The following HDAC1 variants were observed in gnomAD, a reference collection of about 807,000 sequenced individuals.
HDAC1 encodes protein deacetylase HDAC1.
Under a neutral mutation model 65.5 loss-of-function variants are expected in HDAC1, and 18 were observed. The ratio of observed to expected loss-of-function variants is 0.27; its 90% CI spans 0.19 to 0.41. HDAC1 has a LOEUF of 0.41. Among genes scored for constraint, HDAC1 ranks in the 10% least tolerant of loss-of-function variants. HDAC1 has a pLI of 1.00. For synonymous variants in HDAC1, 211 were observed against 227.9 expected, an observed-to-expected ratio of 0.93 and a Z score of 0.67; for missense variants, 373 against 625.2, an observed-to-expected ratio of 0.60 and a Z score of 4.30.
chr1:32,296,627 C>T (rs1391166670), intron 1 of HDAC1, among the ~76,000 whole-genome samples: 1 of 152,188 alleles, frequency 6.6e-6, no homozygotes, highest in Non-Finnish European at 1.5e-5. Flanking sequence ...CATCTACCCG[C>T]CTCAGCCTCC....
At chr1:32,332,982 G>A (rs772688307) in intron 13 of HDAC1, 35 bp from the exon 14 acceptor site, 15 of 1,611,796 alleles carry the variant, frequency 9.3e-6, no homozygotes, top group Non-Finnish European at 1.3e-5. Context: ...GCTCTGGGCT[G>A]GGTCATCTCA....
rs764741110 is a variant in HDAC1 at position 32,329,197 on chromosome 1, G to A, written c.729+37G>A. On this transcript the variant is annotated intron_variant, in intron 7 of 13. Coordinates refer to ENST00000373548, the MANE Select transcript of HDAC1 (RefSeq NM_004964.3). This position sits in a 1 kb window ranked among gnomAD's most constrained non-coding sequence, Gnocchi z 4.1. ...TATCCACCCCTTGGGCTACAAACAGGGGATTGGTTGGCGGTGGAGGGGAGC... is the reference window on the plus strand; with the variant it reads ...TATCCACCCCTTGGGCTACAAACAGAGGATTGGTTGGCGGTGGAGGGGAGC... 3 of 1,282,484 alleles carry A rather than the reference G, an allele frequency of 2.3e-6. No individual in the cohort carries two copies. The South Asian group carries it at 3.6e-5, about 15-fold the overall frequency. The allele number at this position is 1,282,484 out of a possible 1,614,324, so 79.4% of individuals were successfully genotyped here.
At chr1:32,310,388 G>T (rs1009353825) in intron 2 of HDAC1, among the ~76,000 whole-genome samples, 2 of 151,974 alleles carry the variant, frequency 1.3e-5, no homozygotes, top group African/African-American at 4.8e-5. Context: ...TTTTTAGAGG[G>T]GAGTGACATG....
chr1:32,306,978 G>T (rs529367110), intron 2 of HDAC1, among the ~76,000 whole-genome samples: 2 of 152,246 alleles, frequency 1.3e-5, no homozygotes, highest in East Asian at 3.9e-4. Context: ...GGGCGTGGTG[G>T]CTCATGTCTG....
intron 2 of HDAC1, among the ~76,000 whole-genome samples, chr1:32,312,010 GT>G (rs774031998): frequency 4.9e-4 from 74 of 152,238 alleles, no homozygotes; most frequent in Admixed American, 2.5e-3. Flanking sequence ...CACTGTGGGT[GT>G]TTTGGTTTGC....
chr1:32,322,872 G>A (rs146319428), intron 3 of HDAC1, among the ~76,000 whole-genome samples: 1 of 152,200 alleles, frequency 6.6e-6, no homozygotes, highest in African/African-American at 2.4e-5. Flanking sequence ...TTAACTTCTC[G>A]GTATCTGTTT....
intron 2 of HDAC1, 36 bp downstream of exon 2, chr1:32,302,769 A>T: frequency 1.1e-6 from 1 of 921,682 alleles, no homozygotes; most frequent in Non-Finnish European, 1.8e-6. Flanking sequence ...CCCTAACCTC[A>T]TCTGCTCTGG....
chr1:32,330,486 G>C lies in HDAC1; in HGVS notation c.730-92G>C. ...AGCATGAGGGAGAGTGGAAAGGTAG[G>C]AGTGGGTGGGAAAGTGTTGCACCCA... On this transcript the variant is annotated intron_variant, in intron 7 of 13. Coordinates refer to ENST00000373548, the MANE Select transcript of HDAC1 (RefSeq NM_004964.3). The surrounding 1 kb of genome is among the most constrained non-coding windows in gnomAD (Gnocchi z 4.2). The C allele has an allele frequency of 1.2e-6, 1 of 826,788 alleles. No homozygotes were observed. The highest frequency in any genetic ancestry group is 1.4e-5 in the South Asian group (1 of 71,144). 51.2% of individuals were successfully genotyped at this position (826,788 alleles called of 1,614,324 possible). A position where few individuals can be genotyped will look rare whatever the true frequency, so the allele number is the denominator to read the frequency against.
At chr1:32,313,179 T>C (rs1641013499) in intron 2 of HDAC1, among the ~76,000 whole-genome samples, 1 of 151,822 alleles carries the variant, frequency 6.6e-6, no homozygotes, top group Non-Finnish European at 1.5e-5. Context: ...CAATGCAGCC[T>C]CTGCCTCCGA....
At chr1:32,325,942 G>T (rs1641211524) in intron 4 of HDAC1, among the ~76,000 whole-genome samples, 1 of 151,850 alleles carries the variant, frequency 6.6e-6, no homozygotes, top group African/African-American at 2.4e-5. Flanking sequence ...CAGGAGAATT[G>T]CTTGAACCTG....
rs540166777 is a variant in HDAC1 at position 32,321,198 on chromosome 1, T to G, written c.281-3281T>G. Among the ~76,000 whole-genome samples the G allele has an allele frequency of 1.1e-4, 17 of 149,976 alleles. No individual in the cohort carries two copies. In the South Asian group the frequency reaches 3.4e-3, roughly 30 times the overall value. Reference sequence around the variant, plus strand: ...GTGAGCTGACATTGCGCCACTGCACTCCAGGCTGGGCAACAGAGCAAGACT... The same window carrying G: ...GTGAGCTGACATTGCGCCACTGCACGCCAGGCTGGGCAACAGAGCAAGACT... On this transcript the variant is annotated intron_variant, in intron 3 of 13. Transcript: ENST00000373548.
At position 32,297,313 on chromosome 1, in the gene HDAC1, G is replaced by A. The variant is rs983840147; in HGVS notation, c.49+5095G>A. Among the ~76,000 whole-genome samples the A allele has an allele frequency of 7.2e-5, 11 of 152,172 alleles. 1 individual carries two copies. The highest frequency in any genetic ancestry group is 5.9e-4 in the Admixed American group (9 of 15,272). The stretch of plus-strand genomic sequence containing the variant: ...TCCCAGTAGTTTGGGAGGCCAAGGC[G>A]GAAGGATCACTTGAGACCAGGCGTT... On this transcript the variant is annotated intron_variant, in intron 1 of 13. Transcript: ENST00000373548.
rs553523835 is a variant in HDAC1, at chr1:32,294,138, G to A, written c.49+1920G>A. ...AAGGCATGGATCCCAAGTTCCTGGT[G>A]TGGGCAGTATTTTTTATTTTTTGAG... On this transcript the variant is annotated intron_variant, in intron 1 of 13. Transcript: ENST00000373548. Among the ~76,000 whole-genome samples, 58 of 151,956 alleles carry A rather than the reference G, an allele frequency of 3.8e-4. 1 individual carries two copies. The highest frequency in any genetic ancestry group is 2.2e-4 in the Non-Finnish European group (15 of 67,974).
In HDAC1 at chr1:32,332,070, T is replaced by G; in HGVS notation, c.1220-20T>G. ...CAGCACCCGCCTGCCCTCTCACCCA[T>G]GCTTCCCACTCCCTCCCAGTCTGCT... On this transcript the variant is annotated intron_variant, in intron 11 of 13. Transcript: ENST00000373548. The G allele has an allele frequency of 6.4e-7, 1 of 1,565,756 alleles. No homozygotes were observed. The highest frequency in any genetic ancestry group is 8.6e-7 in the Non-Finnish European group (1 of 1,158,232).
chr1:32,332,560 C>G, intron 12 of HDAC1, 141 bp from the exon 13 acceptor site: 2 of 690,182 alleles, frequency 2.9e-6, no homozygotes, highest in Non-Finnish European at 5.0e-6. Context: ...ACAGGGCTCA[C>G]TGGGAGGACC....
intron 2 of HDAC1, among the ~76,000 whole-genome samples, chr1:32,313,641 C>T (rs1641020203): frequency 6.6e-6 from 1 of 152,212 alleles, no homozygotes; most frequent in South Asian, 2.1e-4. Flanking sequence ...AATAACATCA[C>T]TTCGCTCAGC....
chr1:32,329,117 G>A lies in HDAC1; in HGVS notation c.686G>A (p.Arg229Gln), dbSNP rs2148071445. The part of the protein sequence containing the change: ...GKYYAVNYPL[R>Q]DGIDDESYEA... ...TATTATGCTGTTAACTACCCGCTCC[G>A]AGACGGGATTGATGACGAGTCCTAT... is the stretch of plus-strand genomic sequence containing the variant. The change falls in exon 7 of 14, where the codon CGA becomes CAA. Residue 229 changes from arginine (R) to glutamine (Q), a missense_variant. Physicochemically the swap from Arg to Gln is conservative, Grantham distance 43. Transcript: ENST00000373548. The surrounding 1 kb of genome is among the most constrained non-coding windows in gnomAD (Gnocchi z 4.1). 1 of 1,613,282 alleles carries A rather than the reference G, an allele frequency of 6.2e-7. No homozygotes were observed. The highest frequency in any genetic ancestry group is 8.5e-7 in the Non-Finnish European group (1 of 1,179,306).
Position 32,331,430 on chromosome 1 carries a change from C to CGGT in HDAC1, c.980-41_980-39dup, listed in dbSNP as rs1553159048. ...TGCTTACGTGCAAATGGTTAGGGTG[C>CGGT]GGTGGCCAGGTCTCTTGACGGTCTT... is the stretch of plus-strand genomic sequence containing the variant. On this transcript the variant is annotated intron_variant, in intron 9 of 13. Transcript: ENST00000373548. The surrounding 1 kb of genome is among the most constrained non-coding windows in gnomAD (Gnocchi z 4.2). 9.1e-6 allele frequency: 10 copies of CGGT among 1,100,426 alleles called. 1 individual carries two copies. The South Asian group carries it at 1.2e-4, about 14-fold the overall frequency. 68.2% of individuals were successfully genotyped at this position (1,100,426 alleles called of 1,614,324 possible).
In HDAC1 at chr1:32,331,713, G is replaced by A. The variant is rs760852226; in HGVS notation, c.1126G>A (p.Ala376Thr). Residue 376 changes from alanine (A) to threonine (T), a missense_variant, in exon 11 of 14, where the codon GCA becomes ACA. By Grantham distance (58) the Ala-to-Thr change is moderately conservative. Coordinates refer to ENST00000373548, the MANE Select transcript of HDAC1 (RefSeq NM_004964.3). This position sits in a 1 kb window ranked among gnomAD's most constrained non-coding sequence, Gnocchi z 4.2. ...LFENLRMLPH[A>T]PGVQMQAIPE... ...TGAGAACCTTAGAATGCTGCCGCAC[G>A]CACCTGGGGTCCAAATGCAGGCGAT... 4.3e-6 allele frequency: 7 copies of A among 1,613,870 alleles called. No homozygotes were observed. The African/African-American group carries it at 6.7e-5, about 15-fold the overall frequency.
Sources: gnomAD v4.1 joint callset for allele counts (sites outside exome capture counted in the v4.1 genomes callset) on GRCh38, gnomAD v4.1.1 for gene constraint, Gnocchi (gnomAD v3.1) non-coding constraint, MANE v1.5 for transcripts, NCBI Gene and HGNC (gene_info 2026-07-23, HGNC 2026-07-21) for gene names.